The following COL25A1 variants were observed in gnomAD, a reference collection of about 807,000 sequenced individuals.
COL25A1 encodes the protein collagen type XXV alpha 1 chain.
A neutral mutation model predicts 128.4 loss-of-function variants in COL25A1; 103 were observed. That is an observed-to-expected ratio of 0.80 (90% confidence interval 0.68 to 0.94). The LOEUF (loss-of-function observed/expected upper bound fraction) is 0.94. Ranked by LOEUF, COL25A1 falls within the 40% of genes least tolerant of loss-of-function variation. COL25A1 has a pLI of 0.00. For synonymous variants in COL25A1, 279 were observed against 277.2 expected, an observed-to-expected ratio of 1.01 and a Z score of -0.06; for missense variants, 745 against 840.0, an observed-to-expected ratio of 0.89 and a Z score of 1.40.
intron 16 of COL25A1, among the ~76,000 whole-genome samples, chr4:108,890,853 A>G (rs895098920): frequency 6.6e-6 from 1 of 151,888 alleles, no homozygotes; most frequent in African/African-American, 2.4e-5. Context: ...AGCTCCCTCA[A>G]TTTCTCTCCC....
chr4:109,125,453 C>A (rs1768505616), intron 3 of COL25A1, among the ~76,000 whole-genome samples: 1 of 152,144 alleles, frequency 6.6e-6, no homozygotes, highest in Non-Finnish European at 1.5e-5. Context: ...TTCATGCTCA[C>A]ACTGAACCAG....
intron 32 of COL25A1, among the ~76,000 whole-genome samples, chr4:108,831,656 T>C (rs1030483344): frequency 7.1e-6 from 1 of 141,330 alleles, no homozygotes; most frequent in Non-Finnish European, 1.5e-5. Flanking sequence ...GGAAAAGAAA[T>C]AGTGGGAGAA....
At chr4:108,942,326 A>T in intron 8 of COL25A1, 1 of 1,472,544 alleles carries the variant, frequency 6.8e-7, no homozygotes. Context: ...CAGACATTTC[A>T]CTAGGGGACA....
intron 5 of COL25A1, among the ~76,000 whole-genome samples, chr4:109,040,888 A>G (rs1759817700): frequency 6.6e-6 from 1 of 152,022 alleles, no homozygotes; most frequent in Non-Finnish European, 1.5e-5. Context: ...AGCAAATTTA[A>G]TTTTACTTAT....
At chr4:109,162,593 A>C (rs906151586) in intron 3 of COL25A1, among the ~76,000 whole-genome samples, 2 of 152,216 alleles carry the variant, frequency 1.3e-5, no homozygotes, top group African/African-American at 4.8e-5. Context: ...TTGGGTTGCC[A>C]GGAGGAATGT....
intron 3 of COL25A1, among the ~76,000 whole-genome samples, chr4:109,260,858 AC>A (rs1305288898): frequency 3.3e-5 from 5 of 152,162 alleles, no homozygotes; most frequent in Non-Finnish European, 5.9e-5. Context: ...AGGAAAAAAA[AC>A]AATATTATAA....
intron 3 of COL25A1, among the ~76,000 whole-genome samples, chr4:109,088,740 A>T (rs906845483): frequency 6.6e-6 from 1 of 152,340 alleles, no homozygotes; most frequent in East Asian, 1.9e-4. Flanking sequence ...AATAGAAGAC[A>T]TACTCTTCTC....
intron 3 of COL25A1, among the ~76,000 whole-genome samples, chr4:109,077,287 T>C (rs1763460176): frequency 6.6e-6 from 1 of 152,194 alleles, no homozygotes; most frequent in Non-Finnish European, 1.5e-5. Context: ...TCCATATCTA[T>C]ACAGCAATAC....
intron 16 of COL25A1, among the ~76,000 whole-genome samples, chr4:108,890,278 A>T (rs1180548144): frequency 6.6e-6 from 1 of 152,186 alleles, no homozygotes; most frequent in East Asian, 1.9e-4. Flanking sequence ...CTCATGAAGC[A>T]CTGTCACAGA....
intron 3 of COL25A1, among the ~76,000 whole-genome samples, chr4:109,145,362 C>T (rs578239345): frequency 3.7e-4 from 56 of 152,150 alleles, no homozygotes; most frequent in African/African-American, 1.1e-3. Context: ...CCACCGTGCC[C>T]GGCCAAACCT....
At chr4:108,988,384 T>C (rs1753848757) in intron 6 of COL25A1, among the ~76,000 whole-genome samples, 1 of 152,234 alleles carries the variant, frequency 6.6e-6, no homozygotes. Flanking sequence ...GATATCTGTG[T>C]ATCCAACATG....
Position 108,809,398 on chromosome 4 carries a change from C to T in COL25A1, c.*4529G>A, listed in dbSNP as rs1193511115. Reference sequence around the variant, plus strand: ...TAAAGAATATTCACATAAATGTCAACAGTATGTAAGACATTCTTTTGTGAA... The same window carrying T: ...TAAAGAATATTCACATAAATGTCAATAGTATGTAAGACATTCTTTTGTGAA... On this transcript the variant is annotated 3_prime_UTR_variant, in exon 38 of 38. Coordinates refer to ENST00000399132, the MANE Select transcript of COL25A1 (RefSeq NM_198721.4). The T allele has an allele frequency of 3.3e-5, 5 of 151,994 alleles. No individual in the cohort carries two copies. The highest frequency in any genetic ancestry group is 5.9e-5 in the Non-Finnish European group (4 of 67,942). The allele number at this position is 151,994 out of a possible 1,614,324, so 9.4% of individuals were successfully genotyped here.
chr4:109,126,445 A>G (rs144224619), intron 3 of COL25A1, among the ~76,000 whole-genome samples: 1 of 152,186 alleles, frequency 6.6e-6, no homozygotes, highest in Non-Finnish European at 1.5e-5. Context: ...GGAAAATTTC[A>G]TTACCATATC....
At chr4:109,002,179 C>T (rs2126031906) in intron 6 of COL25A1, among the ~76,000 whole-genome samples, 1 of 152,300 alleles carries the variant, frequency 6.6e-6, no homozygotes, top group East Asian at 1.9e-4. Flanking sequence ...AATAGAACTA[C>T]TACCATAGGA....
intron 3 of COL25A1, among the ~76,000 whole-genome samples, chr4:109,281,440 A>C (rs1233810363): frequency 6.6e-6 from 1 of 152,090 alleles, no homozygotes; most frequent in Non-Finnish European, 1.5e-5. Context: ...TAAATTCCAA[A>C]TAAACAAGAT....
Position 109,105,868 on chromosome 4 carries a change from C to T in COL25A1, c.368-55689G>A, listed in dbSNP as rs552277398. 7.9e-5 allele frequency among the ~76,000 whole-genome samples: 12 copies of T among 152,206 alleles called. 1 individual carries two copies. In the South Asian group the frequency reaches 1.5e-3, roughly 18 times the overall value. ...TTTAAATACACTTCTTTTATGAAAC[C>T]GATCAATTTTATTTCCATGTATTGA... On this transcript the variant is annotated intron_variant, in intron 3 of 37. Coordinates refer to ENST00000399132, the MANE Select transcript of COL25A1 (RefSeq NM_198721.4).
intron 3 of COL25A1, among the ~76,000 whole-genome samples, chr4:109,215,195 G>A (rs1213691621): frequency 2.6e-5 from 4 of 152,110 alleles, no homozygotes; most frequent in African/African-American, 9.7e-5. Context: ...CATTTTTTAG[G>A]TGAGCTACTT....
intron 3 of COL25A1, among the ~76,000 whole-genome samples, chr4:109,250,133 G>A (rs1560929531): frequency 6.6e-6 from 1 of 151,936 alleles, no homozygotes; most frequent in Non-Finnish European, 1.5e-5. Flanking sequence ...CTTTGTCCTG[G>A]GGTAACAAAT....
rs1579234530 is a variant in COL25A1 at position 109,059,744 on chromosome 4, ATAAG to A, written c.368-9569_368-9566del. On this transcript the variant is annotated intron_variant, in intron 3 of 37. Coordinates refer to ENST00000399132, the MANE Select transcript of COL25A1 (RefSeq NM_198721.4). ...GCAGTTTTTACCCATGCTGTTATAT[ATAAG>A]TATTTGAAGTGACAGAAATAAGAAA... Among the ~76,000 whole-genome samples the A allele has an allele frequency of 2.6e-5, 4 of 152,238 alleles. No homozygotes were observed. In the East Asian group the frequency reaches 7.7e-4, roughly 29 times the overall value.
Sources: gnomAD v4.1 joint callset for allele counts (sites outside exome capture counted in the v4.1 genomes callset) on GRCh38, gnomAD v4.1.1 for gene constraint, MANE v1.5 for transcripts, NCBI Gene and HGNC (gene_info 2026-07-23, HGNC 2026-07-21) for gene names.